PSMD4: variants seen among roughly 807,000 people sequenced by gnomAD.
PSMD4 encodes proteasome 26S subunit ubiquitin receptor, non-ATPase 4.
Under a neutral mutation model 39.7 loss-of-function variants are expected in PSMD4, and 5 were observed. That is an observed-to-expected ratio of 0.13 (90% confidence interval 0.07 to 0.26). The LOEUF is 0.26. Ranked by LOEUF, PSMD4 falls within the 10% of genes least tolerant of loss-of-function variation. The probability of loss-of-function intolerance (pLI) is 1.00; values close to 1 mark genes in which losing one functional copy is unlikely to be tolerated. For missense variants in PSMD4, 272 were observed against 486.1 expected (o/e 0.56, Z 4.14); for synonymous variants, 143 against 174.6 (o/e 0.82, Z 1.43).
At chr1:151,261,165 T>A (rs1298442842) in intron 1 of PSMD4, among the ~76,000 whole-genome samples, 4 of 146,802 alleles carry the variant, frequency 2.7e-5, no homozygotes, top group African/African-American at 7.6e-5. Flanking sequence ...TTTTATAGAT[T>A]TTTTTTTTCT....
intron 1 of PSMD4, among the ~76,000 whole-genome samples, chr1:151,259,557 A>G (rs921212619): frequency 8.5e-5 from 13 of 152,092 alleles, no homozygotes; most frequent in Admixed American, 2.6e-4. Context: ...TAAAGAAAAA[A>G]AAATTGCCCC....
At chr1:151,258,050 T>C (rs1241881541) in intron 1 of PSMD4, among the ~76,000 whole-genome samples, 1 of 151,112 alleles carries the variant, frequency 6.6e-6, no homozygotes, top group African/African-American at 2.4e-5. Context: ...TGAGATGGAG[T>C]CTCGCTTTTG....
intron 1 of PSMD4, among the ~76,000 whole-genome samples, chr1:151,257,715 C>CTTTTTTTTTTTTTTTTTTTTTT (rs71090149): frequency 3.4e-5 from 3 of 88,718 alleles, no homozygotes; most frequent in Non-Finnish European, 6.0e-5. Flanking sequence ...ACCTGGCTTT[C>CTTTTTTTTTTTTTTTTTTTTTT]TTTTTTTTTT....
intron 3 of PSMD4, 111 bp downstream of exon 3, chr1:151,264,139 A>G (rs940573124): frequency 1.6e-5 from 13 of 798,468 alleles, no homozygotes; most frequent in Non-Finnish European, 2.4e-5. Flanking sequence ...AGAGAAAGCT[A>G]ACTTGGAGTA....
At chr1:151,256,625 C>T (rs1180603580) in intron 1 of PSMD4, among the ~76,000 whole-genome samples, 3 of 147,486 alleles carry the variant, frequency 2.0e-5, no homozygotes, top group Admixed American at 6.8e-5. Context: ...TTGGTAGAGA[C>T]GGGGTTTCAT....
rs372354145 is a variant in PSMD4, at chr1:151,262,317, G to C, written c.167+16G>C. On this transcript the variant is annotated intron_variant, in intron 2 of 9. Transcript: ENST00000368884. Reference sequence around the variant, plus strand: ...CACTGGCTAAGTATGGGGGACAGAGGAGGAGGGGACTCAGTAGGTGGGTGG... The same window carrying C: ...CACTGGCTAAGTATGGGGGACAGAGCAGGAGGGGACTCAGTAGGTGGGTGG... 2.2e-4 allele frequency: 363 copies of C among 1,614,038 alleles called. No homozygotes were observed. The highest frequency in any genetic ancestry group is 2.7e-4 in the Non-Finnish European group (324 of 1,180,020).
chr1:151,262,347 T>TA, intron 2 of PSMD4, 46 bp downstream of exon 2: 2 of 1,608,024 alleles, frequency 1.2e-6, no homozygotes, highest in Non-Finnish European at 1.7e-6. Context: ...GGGTGGTTGT[T>TA]ACATGCTACT....
intron 2 of PSMD4, chr1:151,262,554 T>C: frequency 2.2e-6 from 1 of 460,432 alleles, no homozygotes; most frequent in Non-Finnish European, 3.9e-6. Flanking sequence ...GGGGGTGAAA[T>C]TTCATAATAT....
chr1:151,263,152 A>G (rs1298528399), intron 2 of PSMD4, among the ~76,000 whole-genome samples: 1 of 152,172 alleles, frequency 6.6e-6, no homozygotes, highest in Admixed American at 6.5e-5. Context: ...GTTTCCATTA[A>G]ATACTAGATG....
intron 1 of PSMD4, among the ~76,000 whole-genome samples, chr1:151,256,964 G>A (rs1440584696): frequency 1.3e-5 from 2 of 151,348 alleles, no homozygotes; most frequent in Non-Finnish European, 2.9e-5. Context: ...GGTCAGGCTG[G>A]TCTCGAACTC....
intron 9 of PSMD4, 40 bp from the exon 10 acceptor site, chr1:151,267,133 G>T (rs113769567): frequency 6.2e-7 from 1 of 1,612,400 alleles, no homozygotes; most frequent in Non-Finnish European, 8.5e-7. Flanking sequence ...ACTTCCTGCC[G>T]CTCCATACCC....
At chr1:151,260,024 C>T (rs995107585) in intron 1 of PSMD4, among the ~76,000 whole-genome samples, 8 of 151,984 alleles carry the variant, frequency 5.3e-5, no homozygotes, top group Non-Finnish European at 1.2e-4. Flanking sequence ...CATGGAGGAA[C>T]CCCGTCTCTA....
rs770348663 is a variant in PSMD4, at chr1:151,265,579, A to T, written c.624A>T (p.Val208=). 2 of 1,614,122 alleles carry T rather than the reference A, an allele frequency of 1.2e-6. No homozygotes were observed. The highest frequency in any genetic ancestry group is 2.7e-5 in the African/African-American group (2 of 75,032). ...GLGASDFEFG[V]DPSADPELAL... Reference sequence around the variant, plus strand: ...GTGCCAGTGACTTTGAATTTGGAGTAGATCCCAGTGCTGATCCTGAGCTGG... The same window carrying T: ...GTGCCAGTGACTTTGAATTTGGAGTTGATCCCAGTGCTGATCCTGAGCTGG... The change falls in exon 6 of 10, where the codon GTA becomes GTT. Residue 208 remains valine, a synonymous_variant. Coordinates refer to ENST00000368884, the MANE Select transcript of PSMD4 (RefSeq NM_002810.4).
At chr1:151,259,277 T>C (rs2101836061) in intron 1 of PSMD4, 1 of 152,242 alleles carries the variant, frequency 6.6e-6, no homozygotes, top group African/African-American at 2.4e-5. Flanking sequence ...GATTTTGGAT[T>C]TTTGTCAGAT....
At chr1:151,261,633 C>T (rs1468490852) in intron 1 of PSMD4, among the ~76,000 whole-genome samples, 1 of 152,102 alleles carries the variant, frequency 6.6e-6, no homozygotes, top group Non-Finnish European at 1.5e-5. Flanking sequence ...CTTTGGTGCT[C>T]ATCAGAATCA....
chr1:151,262,095 C>A, intron 1 of PSMD4, 66 bp from the exon 2 acceptor site: 1 of 1,584,446 alleles, frequency 6.3e-7, no homozygotes. Context: ...GCCTCTGGAA[C>A]TGGAGAGAAG....
intron 2 of PSMD4, 198 bp downstream of exon 2, chr1:151,262,499 G>A: frequency 3.3e-6 from 2 of 609,678 alleles, no homozygotes; most frequent in Non-Finnish European, 2.8e-6. Flanking sequence ...CTCCTGGGGT[G>A]AAATTTCTGT....
Position 151,265,516 on chromosome 1 carries a change from G to C in PSMD4, c.561G>C (p.Pro187=). 6.2e-7 allele frequency: 1 copy of C among 1,614,166 alleles called. No homozygotes were observed. Among genetic ancestry groups the C allele is most frequent in the Non-Finnish European group, 8.5e-7 (1 of 1,180,026 alleles). The part of the protein sequence containing the change: ...PSLADALISS[P]ILAGEGGAML... ...TGGCTGATGCTCTCATCAGTTCTCC[G>C]ATTTTGGCTGGTGAAGGTGGTGCCA... is the stretch of plus-strand genomic sequence containing the variant. Residue 187 remains proline, a synonymous_variant, in exon 6 of 10, where the codon CCG becomes CCC. Transcript: ENST00000368884.
intron 1 of PSMD4, among the ~76,000 whole-genome samples, chr1:151,256,356 AT>A (rs372493893): frequency 0.32 from 22,287 of 70,372 alleles, 3,033 homozygotes; most frequent in Non-Finnish European, 0.4. Flanking sequence ...AAAAAAAAAA[AT>A]AATAATAAAA....
Sources: allele counts gnomAD v4.1 joint callset (sites outside exome capture counted in the v4.1 genomes callset), GRCh38; gene constraint gnomAD v4.1.1; transcripts MANE v1.5; gene names NCBI Gene and HGNC (gene_info 2026-07-23, HGNC 2026-07-21).